PAK5: variants seen among roughly 807,000 people sequenced by gnomAD.
PAK5 encodes serine/threonine-protein kinase PAK 5.
A neutral mutation model predicts 65.9 loss-of-function variants in PAK5; 16 were observed. The ratio of observed to expected loss-of-function variants is 0.24; its 90% CI spans 0.16 to 0.37. PAK5 has a LOEUF of 0.37. PAK5 is among the 10% of genes least tolerant of loss of function. PAK5 has a pLI of 1.00. For missense variants in PAK5, 785 were observed against 903.9 expected (o/e 0.87, Z 1.69); for synonymous variants, 371 against 354.9 (o/e 1.05, Z -0.51).
chr20:9,544,990 A>G lies in PAK5; in HGVS notation c.1744-496T>C, dbSNP rs183602270. ...ACCATCTCTTTTCTATATTTGAAAT[A>G]TTGCAAGGCCTTTGCTTATCCAGGA... On this transcript the variant is annotated intron_variant, in intron 7 of 9. Transcript: ENST00000353224. Among the ~76,000 whole-genome samples, 3 of 152,320 alleles carry G rather than the reference A, an allele frequency of 2.0e-5. No homozygotes were observed. In the East Asian group the frequency reaches 5.8e-4, roughly 29 times the overall value.
chr20:9,705,551 G>A (rs776720178), intron 2 of PAK5, among the ~76,000 whole-genome samples: 6 of 152,084 alleles, frequency 3.9e-5, no homozygotes, highest in Non-Finnish European at 5.9e-5. Context: ...TATTCAGGGT[G>A]ACCACTTATA....
chr20:9,806,066 G>GC (rs1416841713), intron 1 of PAK5, among the ~76,000 whole-genome samples: 3 of 152,186 alleles, frequency 2.0e-5, no homozygotes, highest in Non-Finnish European at 4.4e-5. Context: ...CTGGGTTCAA[G>GC]CAATTCTTGT....
intron 2 of PAK5, among the ~76,000 whole-genome samples, chr20:9,705,533 C>G (rs537045323): frequency 6.6e-6 from 1 of 152,018 alleles, no homozygotes; most frequent in Non-Finnish European, 1.5e-5. Context: ...TAAAATCGAT[C>G]ATATGTGTAT....
intron 2 of PAK5, among the ~76,000 whole-genome samples, chr20:9,650,091 C>T (rs1600196685): frequency 6.6e-6 from 1 of 152,280 alleles, no homozygotes; most frequent in East Asian, 1.9e-4. Context: ...ATGGAGAGTC[C>T]TCCATTCTAC....
At chr20:9,830,581 T>C (rs1239832542) in intron 1 of PAK5, among the ~76,000 whole-genome samples, 1 of 152,206 alleles carries the variant, frequency 6.6e-6, no homozygotes, top group Non-Finnish European at 1.5e-5. Context: ...TTATACCTCT[T>C]GCTTCTGCTT....
At chr20:9,724,777 C>G (rs906141919) in intron 1 of PAK5, among the ~76,000 whole-genome samples, 4 of 152,036 alleles carry the variant, frequency 2.6e-5, no homozygotes, top group Non-Finnish European at 4.4e-5. Context: ...ACTGACTCAA[C>G]CGGCATCATA....
intron 1 of PAK5, among the ~76,000 whole-genome samples, chr20:9,746,975 A>G (rs2048515720): frequency 3.3e-5 from 5 of 152,212 alleles, no homozygotes; most frequent in Admixed American, 1.3e-4. Context: ...AGAATCAAAT[A>G]GACGCAATAA....
At position 9,798,281 on chromosome 20, in the gene PAK5, G is replaced by A. The variant is rs147064636; in HGVS notation, c.-162+40481C>T. Among the ~76,000 whole-genome samples the A allele has an allele frequency of 1.3e-4, 20 of 152,236 alleles. No individual in the cohort carries two copies. The East Asian group carries it at 2.5e-3, about 19-fold the overall frequency. On this transcript the variant is annotated intron_variant, in intron 1 of 9. Transcript: ENST00000353224. ...AAAAATGGTTCATAGCTATTGCTACGTGTGTAATGTAAAGATGGGAAATCC... is the reference window on the plus strand; with the variant it reads ...AAAAATGGTTCATAGCTATTGCTACATGTGTAATGTAAAGATGGGAAATCC...
chr20:9,584,080 G>A (rs1275038607), intron 3 of PAK5, among the ~76,000 whole-genome samples: 2 of 152,112 alleles, frequency 1.3e-5, no homozygotes, highest in African/African-American at 4.8e-5. Flanking sequence ...GCCTCCCTTA[G>A]AGAAAGAAAG....
At chr20:9,585,404 A>G (rs916319195) in intron 3 of PAK5, among the ~76,000 whole-genome samples, 1 of 152,190 alleles carries the variant, frequency 6.6e-6, no homozygotes, top group Admixed American at 6.5e-5. Flanking sequence ...GTCTCTTTCT[A>G]TGGTATGCTT....
intron 2 of PAK5, among the ~76,000 whole-genome samples, chr20:9,646,873 A>G (rs2123284478): frequency 6.6e-6 from 1 of 152,342 alleles, no homozygotes; most frequent in East Asian, 1.9e-4. Flanking sequence ...CAACTAGTCG[A>G]CCCTGAGAAG....
chr20:9,671,948 C>T (rs1258735847), intron 2 of PAK5, among the ~76,000 whole-genome samples: 3 of 152,004 alleles, frequency 2.0e-5, no homozygotes, highest in African/African-American at 7.3e-5. Context: ...ACTCCTGATC[C>T]TTAATAAAAA....
At chr20:9,631,381 A>C (rs2046919103) in intron 3 of PAK5, among the ~76,000 whole-genome samples, 1 of 152,188 alleles carries the variant, frequency 6.6e-6, no homozygotes, top group South Asian at 2.1e-4. Flanking sequence ...ATGGGATATC[A>C]CTTCTGTGAG....
chr20:9,830,191 G>A (rs1023968362), intron 1 of PAK5, among the ~76,000 whole-genome samples: 2 of 152,188 alleles, frequency 1.3e-5, no homozygotes, highest in Admixed American at 6.5e-5. Flanking sequence ...GACCTGTCTT[G>A]CTAATTTAAG....
intron 1 of PAK5, among the ~76,000 whole-genome samples, chr20:9,739,654 G>C (rs528689020): frequency 1.3e-5 from 2 of 152,168 alleles, no homozygotes; most frequent in African/African-American, 4.8e-5. Context: ...CTTTTTCTCA[G>C]GGGTCAGATT....
intron 1 of PAK5, among the ~76,000 whole-genome samples, chr20:9,812,587 C>T (rs2049310343): frequency 1.3e-5 from 2 of 152,150 alleles, no homozygotes; most frequent in African/African-American, 4.8e-5. Context: ...CCTAGATGTA[C>T]ACCCAAGGGA....
intron 1 of PAK5, among the ~76,000 whole-genome samples, chr20:9,804,625 A>T (rs187327017): frequency 6.6e-6 from 1 of 152,248 alleles, no homozygotes; most frequent in Non-Finnish European, 1.5e-5. Context: ...AGAAGAAAAC[A>T]TAAGGGTAAA....
At chr20:9,744,391 T>A (rs2048483702) in intron 1 of PAK5, among the ~76,000 whole-genome samples, 1 of 152,228 alleles carries the variant, frequency 6.6e-6, no homozygotes, top group Non-Finnish European at 1.5e-5. Context: ...CTCATTCAAC[T>A]GGCAAAACTG....
intron 1 of PAK5, among the ~76,000 whole-genome samples, chr20:9,769,778 T>C (rs1181471570): frequency 2.0e-5 from 3 of 152,238 alleles, no homozygotes; most frequent in Non-Finnish European, 2.9e-5. Context: ...TTGGCTGCTT[T>C]TCCTCTTCTT....
Sources: allele counts gnomAD v4.1 joint callset (sites outside exome capture counted in the v4.1 genomes callset), GRCh38; gene constraint gnomAD v4.1.1; transcripts MANE v1.5; gene names NCBI Gene and HGNC (gene_info 2026-07-23, HGNC 2026-07-21).